RAB38: variants seen among roughly 807,000 people sequenced by gnomAD.
RAB38 encodes the protein RAB38, member RAS oncogene family.
In RAB38, 15 loss-of-function variants were observed where a neutral mutation model predicts 18.4. The ratio of observed to expected loss-of-function variants is 0.82; its 90% CI spans 0.55 to 1.26. The LOEUF (loss-of-function observed/expected upper bound fraction) is 1.26, where lower values mean the gene tolerates loss of function less well. Ranked by LOEUF, RAB38 falls within the 50% of genes most tolerant of loss-of-function variation. The pLI is 0.00. For missense variants in RAB38, 294 were observed against 267.4 expected (o/e 1.10, Z -0.69); for synonymous variants, 101 against 104.4 (o/e 0.97, Z 0.20).
At chr11:88,003,844 A>AT in the RAB38 span, among the ~76,000 whole-genome samples, 26 of 2,886 alleles carry the variant, frequency 9.0e-3, no homozygotes, top group South Asian at 0.02. Context: ...ATATATATTT[A>AT]TATATATAAT....
the RAB38 span, among the ~76,000 whole-genome samples, chr11:87,895,759 C>T: frequency 6.6e-6 from 1 of 151,516 alleles, no homozygotes; most frequent in Non-Finnish European, 1.5e-5. Context: ...TTTGTGCTGG[C>T]CACTGAGCCA....
the RAB38 span, among the ~76,000 whole-genome samples, chr11:87,835,399 TC>T: frequency 2.6e-5 from 4 of 152,082 alleles, no homozygotes; most frequent in African/African-American, 9.7e-5. Flanking sequence ...TGGAATAAAC[TC>T]CCTACTGTCT....
the RAB38 span, among the ~76,000 whole-genome samples, chr11:88,069,727 C>G: frequency 6.6e-6 from 1 of 152,162 alleles, no homozygotes; most frequent in Non-Finnish European, 1.5e-5. Context: ...GTAAACACAC[C>G]AATCAGCACT....
At chr11:88,010,989 C>T in the RAB38 span, among the ~76,000 whole-genome samples, 945 of 152,240 alleles carry the variant, frequency 6.2e-3, 8 homozygotes, top group African/African-American at 0.022. Flanking sequence ...TCTGCCTCCA[C>T]CTTCTCTGAA....
the RAB38 span, among the ~76,000 whole-genome samples, chr11:87,908,262 A>C: frequency 6.6e-6 from 1 of 151,986 alleles, no homozygotes; most frequent in East Asian, 1.9e-4. Flanking sequence ...CTACAAGCCT[A>C]GAGCTTGCTC....
the RAB38 span, among the ~76,000 whole-genome samples, chr11:87,965,747 A>C: frequency 6.6e-6 from 1 of 152,186 alleles, no homozygotes; most frequent in African/African-American, 2.4e-5. Flanking sequence ...TGCAGGAAAC[A>C]ATGAAGCCAG....
At chr11:87,894,752 TACATTATATATCATATATATGTAC>T in the RAB38 span, among the ~76,000 whole-genome samples, 1 of 147,732 alleles carries the variant, frequency 6.8e-6, no homozygotes, top group Non-Finnish European at 1.5e-5. Flanking sequence ...AATATATGTA[TACATTATATATCATATATATGTAC>T]ACATTATATA....
the RAB38 span, among the ~76,000 whole-genome samples, chr11:88,064,473 G>A: frequency 6.6e-6 from 1 of 152,238 alleles, no homozygotes; most frequent in Non-Finnish European, 1.5e-5. Context: ...CGCAAGTGAA[G>A]TATGATACTC....
At chr11:87,851,045 C>A in the RAB38 span, among the ~76,000 whole-genome samples, 1 of 152,332 alleles carries the variant, frequency 6.6e-6, no homozygotes, top group Middle Eastern at 3.4e-3. Context: ...CCCCCGTTCC[C>A]CTCAGGGAGA....
At chr11:88,067,946 T>TACATATATATACTTATATATATAC in the RAB38 span, among the ~76,000 whole-genome samples, 4 of 146,774 alleles carry the variant, frequency 2.7e-5, no homozygotes, top group South Asian at 2.1e-4. Flanking sequence ...CACATATATA[T>TACATATATATACTTATATATATAC]ACATATATAT....
the RAB38 span, among the ~76,000 whole-genome samples, chr11:87,811,562 A>G: frequency 4.0e-5 from 6 of 151,868 alleles, no homozygotes; most frequent in African/African-American, 1.5e-4. Flanking sequence ...TATTTGGAAT[A>G]TTTACTCCTT....
chr11:87,910,207 T>C, the RAB38 span, among the ~76,000 whole-genome samples: 2 of 152,104 alleles, frequency 1.3e-5, no homozygotes, highest in African/African-American at 2.4e-5. Context: ...TTAATTTTTC[T>C]ACTAACTAAT....
chr11:88,075,707 C>G, the RAB38 span, among the ~76,000 whole-genome samples: 1 of 151,792 alleles, frequency 6.6e-6, no homozygotes, highest in Non-Finnish European at 1.5e-5. Context: ...ATGGTTAAAC[C>G]CCAGCTCTAC....
At chr11:88,071,166 G>A in the RAB38 span, among the ~76,000 whole-genome samples, 1 of 151,892 alleles carries the variant, frequency 6.6e-6, no homozygotes, top group Non-Finnish European at 1.5e-5. Context: ...TGCCACTGTG[G>A]GACGAGCAGG....
chr11:88,055,630 T>A, the RAB38 span, among the ~76,000 whole-genome samples: 1 of 152,138 alleles, frequency 6.6e-6, no homozygotes, highest in African/African-American at 2.4e-5. Context: ...ACAAAGAGTA[T>A]GGTGCTTGAA....
chr11:87,912,175 A>G, the RAB38 span, among the ~76,000 whole-genome samples: 54 of 151,984 alleles, frequency 3.6e-4, no homozygotes, highest in Admixed American at 3.3e-3. Flanking sequence ...TTTATTTAAT[A>G]TATTAGTCTG....
chr11:87,833,185 G>C, the RAB38 span, among the ~76,000 whole-genome samples: 5 of 152,148 alleles, frequency 3.3e-5, no homozygotes, highest in Admixed American at 3.3e-4. Context: ...TGACAGCCAA[G>C]TTCCTCATTC....
the RAB38 span, among the ~76,000 whole-genome samples, chr11:88,006,396 C>T: frequency 6.6e-6 from 1 of 151,132 alleles, no homozygotes; most frequent in African/African-American, 2.4e-5. Context: ...ATGGAACCAC[C>T]ATATGATCCA....
At chr11:87,923,865 A>G in the RAB38 span, among the ~76,000 whole-genome samples, 1 of 151,800 alleles carries the variant, frequency 6.6e-6, no homozygotes, top group East Asian at 1.9e-4. Context: ...CGACCCAGAG[A>G]GAATAGTTAA....
Sources: gnomAD v4.1 joint callset for allele counts (sites outside exome capture counted in the v4.1 genomes callset) on GRCh38, gnomAD v4.1.1 for gene constraint, MANE v1.5 for transcripts, NCBI Gene and HGNC (gene_info 2026-07-23, HGNC 2026-07-21) for gene names.